Variants in SPATA7 observed in about 807,000 individuals in gnomAD.
SPATA7 encodes the protein spermatogenesis-associated protein 7.
SPATA7 carries 43 observed loss-of-function variants against 51.8 expected under a neutral mutation model. The observed-to-expected ratio is 0.83, with a 90% CI of 0.65 to 1.07. The LOEUF (loss-of-function observed/expected upper bound fraction) is 1.07. SPATA7 is among the 50% of genes least tolerant of loss of function. SPATA7 has a pLI of 0.00. For synonymous variants in SPATA7, 230 were observed against 252.8 expected (o/e 0.91, Z 0.86); for missense variants, 683 against 701.3 (o/e 0.97, Z 0.30).
chr14:88,408,882 T>C lies in SPATA7; in HGVS notation c.239-7829T>C, dbSNP rs949362504. 5.9e-5 allele frequency among the ~76,000 whole-genome samples: 9 copies of C among 152,338 alleles called. No homozygotes were observed. In the South Asian group the frequency reaches 8.3e-4, roughly 14 times the overall value. On this transcript the variant is annotated intron_variant, in intron 4 of 11. Coordinates refer to ENST00000393545, the MANE Select transcript of SPATA7 (RefSeq NM_018418.5). ...TGAGGTAATCCTGTGGTTTTTGTCA[T>C]TGGTTCTGTTTATGTGATGAATTAT...
intron 2 of SPATA7, among the ~76,000 whole-genome samples, chr14:88,392,899 C>T (rs2139870908): frequency 6.7e-6 from 1 of 149,780 alleles, no homozygotes; most frequent in East Asian, 1.9e-4. Flanking sequence ...AGTTTTAGTA[C>T]TTCAAAAAGA....
At chr14:88,467,959 T>C in intron 4 of SPATA7, 1 of 836,230 alleles carries the variant, frequency 1.2e-6, no homozygotes, top group South Asian at 1.5e-5. Flanking sequence ...TAGAAACCCC[T>C]CTTCAGCCTG....
chr14:88,422,440 C>A (rs1200114595), intron 5 of SPATA7, among the ~76,000 whole-genome samples: 1 of 151,824 alleles, frequency 6.6e-6, no homozygotes, highest in Non-Finnish European at 1.5e-5. Flanking sequence ...AGTGATTGTA[C>A]TTTTTAACAG....
downstream of SPATA7, among the ~76,000 whole-genome samples, chr14:88,457,861 G>A (rs2077294393): frequency 6.6e-6 from 1 of 152,188 alleles, no homozygotes; most frequent in South Asian, 2.1e-4. Flanking sequence ...TTGGCTGTGG[G>A]TTTGTCATAA....
At chr14:88,403,683 G>A (rs1160527645) in intron 4 of SPATA7, among the ~76,000 whole-genome samples, 4 of 152,164 alleles carry the variant, frequency 2.6e-5, no homozygotes, top group Non-Finnish European at 4.4e-5. Context: ...ATGTGTATGT[G>A]CAATCTAAAG....
chr14:88,426,727 A>G, intron 6 of SPATA7, 23 bp downstream of exon 6: 1 of 1,573,656 alleles, frequency 6.4e-7, no homozygotes, highest in Non-Finnish European at 8.7e-7. Flanking sequence ...AGCAACCAAC[A>G]GTAAATCCTT....
At chr14:88,427,518 A>G (rs1255033484) in intron 6 of SPATA7, 112 bp from the exon 7 acceptor site, 3 of 684,064 alleles carry the variant, frequency 4.4e-6, no homozygotes, top group Non-Finnish European at 5.1e-6. Flanking sequence ...GTATTTTATA[A>G]GAATAGATGG....
At chr14:88,425,943 A>C (rs2076777835) in intron 5 of SPATA7, among the ~76,000 whole-genome samples, 1 of 152,208 alleles carries the variant, frequency 6.6e-6, no homozygotes, top group African/African-American at 2.4e-5. Flanking sequence ...GACATCTCCC[A>C]ATAAATCTTA....
At chr14:88,392,443 GATA>G (rs1455214743) in intron 2 of SPATA7, among the ~76,000 whole-genome samples, 1 of 152,066 alleles carries the variant, frequency 6.6e-6, no homozygotes. Flanking sequence ...TCGATTAAAT[GATA>G]ATAATAATGA....
intron 4 of SPATA7, among the ~76,000 whole-genome samples, chr14:88,464,656 G>C (rs1286029223): frequency 6.6e-6 from 1 of 152,142 alleles, no homozygotes. Flanking sequence ...CTTGAACCCA[G>C]AAGGTGGAGG....
downstream of SPATA7, chr14:88,438,506 A>G (rs1166659281): frequency 9.0e-6 from 10 of 1,113,496 alleles, no homozygotes; most frequent in South Asian, 4.0e-5. Context: ...AGATTTCTCT[A>G]TTGGTTTTCT....
intron 3 of SPATA7, among the ~76,000 whole-genome samples, chr14:88,449,836 C>G (rs1477458880): frequency 6.6e-6 from 1 of 152,162 alleles, no homozygotes; most frequent in Admixed American, 6.5e-5. Context: ...TATAATACCC[C>G]TCTTTGTCAT....
At chr14:88,437,316 A>G (rs2077116377) in intron 10 of SPATA7, among the ~76,000 whole-genome samples, 1 of 151,960 alleles carries the variant, frequency 6.6e-6, no homozygotes, top group Admixed American at 6.6e-5. Context: ...GGAGAATTTT[A>G]TTCAAAGAAA....
chr14:88,393,113 AT>A (rs755943975), intron 2 of SPATA7, among the ~76,000 whole-genome samples: 59 of 152,264 alleles, frequency 3.9e-4, no homozygotes, highest in Non-Finnish European at 4.6e-4. Context: ...CAAAAAAAAA[AT>A]AGTTCTGTAA....
intron 2 of SPATA7, 157 bp downstream of exon 2, chr14:88,391,612 A>T (rs994651316): frequency 2.8e-6 from 2 of 726,556 alleles, no homozygotes; most frequent in South Asian, 3.0e-5. Flanking sequence ...TCTTGAGATT[A>T]GAGAATTTTG....
rs536513244 is a variant in SPATA7 at position 88,449,866 on chromosome 14, G to C, written c.178-5194G>C. On this transcript the variant is annotated intron_variant, in intron 3 of 3. Transcript: ENST00000554802. Reference sequence around the variant, plus strand: ...TGTCATTTTTAACTGCTGTTGCTTTGAAGTTTGTGTGATACAAGAATAGCT... The same window carrying C: ...TGTCATTTTTAACTGCTGTTGCTTTCAAGTTTGTGTGATACAAGAATAGCT... Among the ~76,000 whole-genome samples, 3 of 152,080 alleles carry C rather than the reference G, an allele frequency of 2.0e-5. No homozygotes were observed. The South Asian group carries it at 6.2e-4, about 32-fold the overall frequency.
At chr14:88,424,361 A>G (rs1880569169) in intron 5 of SPATA7, among the ~76,000 whole-genome samples, 1 of 152,196 alleles carries the variant, frequency 6.6e-6, no homozygotes, top group African/African-American at 2.4e-5. Flanking sequence ...AGATACAAAA[A>G]TGGGAAAAGT....
Position 88,391,406 on chromosome 14 carries a change from A to G in SPATA7, c.45A>G (p.Arg15=). The G allele has an allele frequency of 6.2e-7, 1 of 1,613,550 alleles. No homozygotes were observed. The highest frequency in any genetic ancestry group is 8.5e-7 in the Non-Finnish European group (1 of 1,179,698). Residue 15 remains arginine, a synonymous_variant, in exon 2 of 12, where the codon AGA becomes AGG. Coordinates refer to ENST00000393545, the MANE Select transcript of SPATA7 (RefSeq NM_018418.5). ...TCAGAGCAACCTCTGTCCTTCCCAG[A>G]TATGGTCCACCGTGCCTATTTAAAG... ...RRVRATSVLP[R]YGPPCLFKGH... is the part of the protein sequence containing the mutation.
At position 88,426,403 on chromosome 14, in the gene SPATA7, A is replaced by G; in HGVS notation, c.544A>G (p.Ser182Gly). 6.2e-7 allele frequency: 1 copy of G among 1,614,218 alleles called. No homozygotes were observed. The change falls in exon 6 of 12, where the codon AGT becomes GGT. Residue 182 changes from serine (S) to glycine (G), a missense_variant. Coordinates refer to ENST00000393545, the MANE Select transcript of SPATA7 (RefSeq NM_018418.5). ...GAAGAACTCCAGTTCCTCCCCGTCC[A>G]GTGTGGATTATGCAGCCTCCGGGCC... The part of the protein sequence containing the change: ...PEKNSSSSPS[S>G]VDYAASGPRK...
Sources: allele counts gnomAD v4.1 joint callset (sites outside exome capture counted in the v4.1 genomes callset), GRCh38; gene constraint gnomAD v4.1.1; transcripts MANE v1.5; gene names NCBI Gene and HGNC (gene_info 2026-07-23, HGNC 2026-07-21).